TSPAN9: variants seen among roughly 807,000 people sequenced by gnomAD.
TSPAN9 encodes tetraspanin-9.
Under a neutral mutation model 31.0 loss-of-function variants are expected in TSPAN9, and 16 were observed. The ratio of observed to expected loss-of-function variants is 0.52; its 90% CI spans 0.35 to 0.78. TSPAN9 has a LOEUF of 0.78. TSPAN9 is among the 30% of genes least tolerant of loss of function. The pLI is 0.01. For synonymous variants in TSPAN9, 145 were observed against 121.6 expected, an observed-to-expected ratio of 1.19 and a Z score of -1.27; for missense variants, 272 against 312.5, an observed-to-expected ratio of 0.87 and a Z score of 0.98.
intron 3 of TSPAN9, among the ~76,000 whole-genome samples, chr12:3,226,342 G>A (rs562869270): frequency 6.6e-6 from 1 of 152,152 alleles, no homozygotes; most frequent in South Asian, 2.1e-4. Flanking sequence ...TCAAGGGGAC[G>A]AGCCTGGGTA....
chr12:3,221,871 G>T (rs975252571), intron 3 of TSPAN9, among the ~76,000 whole-genome samples: 2 of 151,960 alleles, frequency 1.3e-5, no homozygotes, highest in African/African-American at 4.8e-5. Context: ...GCTTAGGCTG[G>T]TCTCAAGTAA....
intron 2 of TSPAN9, among the ~76,000 whole-genome samples, chr12:3,179,903 C>T (rs1036295409): frequency 5.3e-5 from 8 of 152,184 alleles, no homozygotes; most frequent in Non-Finnish European, 7.3e-5. Context: ...GTACACGTAA[C>T]GTTTTGGCAC....
At chr12:3,245,533 G>A (rs1023510238) in intron 3 of TSPAN9, among the ~76,000 whole-genome samples, 1 of 152,214 alleles carries the variant, frequency 6.6e-6, no homozygotes, top group Non-Finnish European at 1.5e-5. Context: ...TATGACCTCG[G>A]AACATCTCCT....
intron 2 of TSPAN9, among the ~76,000 whole-genome samples, chr12:3,155,793 G>A (rs1425862827): frequency 6.6e-6 from 1 of 152,054 alleles, no homozygotes; most frequent in Non-Finnish European, 1.5e-5. Flanking sequence ...GTCCCCCTTG[G>A]GCAGTTAGCA....
intron 2 of TSPAN9, among the ~76,000 whole-genome samples, chr12:3,131,473 C>A (rs1015600994): frequency 3.9e-5 from 6 of 152,244 alleles, no homozygotes; most frequent in Non-Finnish European, 5.9e-5. Flanking sequence ...GCCTCATTTT[C>A]TTCACCCGAA....
At chr12:3,205,601 CAGG>C in intron 3 of TSPAN9, among the ~76,000 whole-genome samples, 1 of 152,060 alleles carries the variant, frequency 6.6e-6, no homozygotes, top group Non-Finnish European at 1.5e-5. Flanking sequence ...TGTCTGAAAA[CAGG>C]AGTAGTGAGT....
chr12:3,159,741 T>C (rs59270978), intron 2 of TSPAN9, among the ~76,000 whole-genome samples: 3 of 151,964 alleles, frequency 2.0e-5, no homozygotes, highest in East Asian at 1.9e-4. Flanking sequence ...GATATTAAGA[T>C]AGAAACAAAC....
intron 2 of TSPAN9, among the ~76,000 whole-genome samples, chr12:3,097,970 G>T (rs1204339159): frequency 6.6e-6 from 1 of 152,256 alleles, no homozygotes; most frequent in Non-Finnish European, 1.5e-5. Context: ...TGATGCCGGG[G>T]TCTGTCTTTG....
chr12:3,219,634 T>G (rs2098383221), intron 3 of TSPAN9, among the ~76,000 whole-genome samples: 1 of 150,624 alleles, frequency 6.6e-6, no homozygotes, highest in Non-Finnish European at 1.5e-5. Flanking sequence ...TAGAGAAAAA[T>G]GGAGGGAAGG....
intron 2 of TSPAN9, among the ~76,000 whole-genome samples, chr12:3,093,638 G>C (rs1565572719): frequency 6.6e-6 from 1 of 152,152 alleles, no homozygotes; most frequent in Non-Finnish European, 1.5e-5. Flanking sequence ...GATATTTGTT[G>C]ATGGGAGATA....
At chr12:3,181,839 T>C (rs1398681479) in intron 2 of TSPAN9, among the ~76,000 whole-genome samples, 1 of 152,142 alleles carries the variant, frequency 6.6e-6, no homozygotes, top group Non-Finnish European at 1.5e-5. Flanking sequence ...TTCTCCTTGC[T>C]CCTTTGCTGT....
At chr12:3,259,106 CT>C (rs1486297642) in intron 3 of TSPAN9, among the ~76,000 whole-genome samples, 1 of 152,208 alleles carries the variant, frequency 6.6e-6, no homozygotes, top group African/African-American at 2.4e-5. Context: ...TATTAGTTTG[CT>C]GCTATCATTT....
chr12:3,101,589 A>G (rs146475615), intron 2 of TSPAN9, among the ~76,000 whole-genome samples: 82 of 152,282 alleles, frequency 5.4e-4, no homozygotes, highest in African/African-American at 1.6e-3. Flanking sequence ...TTATGAAACA[A>G]GCACCCCTTG....
At chr12:3,228,185 C>CA (rs1180763641) in intron 3 of TSPAN9, among the ~76,000 whole-genome samples, 1 of 152,130 alleles carries the variant, frequency 6.6e-6, no homozygotes, top group African/African-American at 2.4e-5. Context: ...CTCAACTCTA[C>CA]AAAAAAATAT....
chr12:3,238,646 G>A (rs1029776235), intron 3 of TSPAN9, among the ~76,000 whole-genome samples: 1 of 152,138 alleles, frequency 6.6e-6, no homozygotes, highest in Non-Finnish European at 1.5e-5. Flanking sequence ...TTCCCTGTTC[G>A]AGGAGAAAGA....
At chr12:3,163,368 T>A (rs2098346488) in intron 2 of TSPAN9, among the ~76,000 whole-genome samples, 1 of 152,242 alleles carries the variant, frequency 6.6e-6, no homozygotes, top group African/African-American at 2.4e-5. Context: ...CTTTCCACAC[T>A]CTACCCCATG....
intron 2 of TSPAN9, among the ~76,000 whole-genome samples, chr12:3,132,849 G>T (rs1053632492): frequency 6.6e-6 from 1 of 151,948 alleles, no homozygotes; most frequent in African/African-American, 2.4e-5. Context: ...CCCACCGCCC[G>T]CCTGTCAGGT....
chr12:3,270,824 G>A (rs896564662), intron 3 of TSPAN9, among the ~76,000 whole-genome samples: 2 of 152,264 alleles, frequency 1.3e-5, no homozygotes, highest in African/African-American at 2.4e-5. Flanking sequence ...ATTGCAAGAG[G>A]TGTAGGTATT....
At chr12:3,245,331 A>T (rs889747805) in intron 3 of TSPAN9, among the ~76,000 whole-genome samples, 10 of 152,106 alleles carry the variant, frequency 6.6e-5, no homozygotes, top group Admixed American at 2.0e-4. Context: ...AGGAAGGATG[A>T]CCCTGGAACC....
Sources: gnomAD v4.1 joint callset for allele counts (sites outside exome capture counted in the v4.1 genomes callset) on GRCh38, gnomAD v4.1.1 for gene constraint, MANE v1.5 for transcripts, NCBI Gene and HGNC (gene_info 2026-07-23, HGNC 2026-07-21) for gene names.